The following ARIH2 variants were observed in gnomAD, a reference collection of about 807,000 sequenced individuals.
The protein encoded by ARIH2 is E3 ubiquitin-protein ligase ARIH2.
In ARIH2, 12 loss-of-function variants were observed where a neutral mutation model predicts 79.8. The ratio of observed to expected loss-of-function variants is 0.15; its 90% confidence interval spans 0.10 to 0.24. The LOEUF is 0.24. ARIH2 is among the 10% of genes least tolerant of loss of function. ARIH2 has a pLI of 1.00. For missense variants in ARIH2, 301 were observed against 618.3 expected, an observed-to-expected ratio of 0.49 and a Z score of 5.44; for synonymous variants, 224 against 213.9, an observed-to-expected ratio of 1.05 and a Z score of -0.41.
intron 3 of ARIH2, among the ~76,000 whole-genome samples, chr3:48,931,725 C>CA (rs1308813150): frequency 6.6e-6 from 1 of 151,518 alleles, no homozygotes; most frequent in Non-Finnish European, 1.5e-5. Flanking sequence ...GTAGAAAAAT[C>CA]ACAATTTTCA....
intron 3 of ARIH2, among the ~76,000 whole-genome samples, chr3:48,937,387 C>G (rs1321623989): frequency 6.6e-6 from 1 of 152,082 alleles, no homozygotes; most frequent in Non-Finnish European, 1.5e-5. Flanking sequence ...AGAGGATTGA[C>G]CCTCTACCCC....
At chr3:48,976,109 A>C (rs1226621498) in intron 11 of ARIH2, among the ~76,000 whole-genome samples, 1 of 145,950 alleles carries the variant, frequency 6.9e-6, no homozygotes, top group South Asian at 2.2e-4. Flanking sequence ...ACGGGGTCTA[A>C]CCATGTTAGC....
intron 8 of ARIH2, 117 bp from the exon 9 acceptor site, chr3:48,973,582 A>G: frequency 1.4e-6 from 1 of 727,106 alleles, no homozygotes; most frequent in East Asian, 2.7e-5. Flanking sequence ...TCTCAAAAAA[A>G]AAAAAAAAAA....
intron 8 of ARIH2, among the ~76,000 whole-genome samples, chr3:48,972,740 GTC>G (rs978809487): frequency 2.0e-5 from 3 of 152,002 alleles, no homozygotes; most frequent in African/African-American, 7.3e-5. Flanking sequence ...AAAAAACAGG[GTC>G]TCTCTCAGTT....
chr3:48,957,589 T>C (rs2090743491), intron 3 of ARIH2, among the ~76,000 whole-genome samples: 1 of 152,124 alleles, frequency 6.6e-6, no homozygotes, highest in Non-Finnish European at 1.5e-5. Flanking sequence ...TAATGAGACA[T>C]GTAGAAGTCA....
At chr3:48,957,262 G>A (rs1170258300) in intron 3 of ARIH2, among the ~76,000 whole-genome samples, 1 of 152,200 alleles carries the variant, frequency 6.6e-6, no homozygotes, top group Non-Finnish European at 1.5e-5. Flanking sequence ...TAATTCTGAG[G>A]CTTCACTGTG....
At chr3:48,934,121 A>G (rs1336549188) in intron 3 of ARIH2, among the ~76,000 whole-genome samples, 1 of 152,158 alleles carries the variant, frequency 6.6e-6, no homozygotes, top group African/African-American at 2.4e-5. Context: ...ATGAATAGTA[A>G]TGAGTTGTCA....
chr3:48,948,183 G>A (rs1243747446), intron 3 of ARIH2, among the ~76,000 whole-genome samples: 3 of 151,904 alleles, frequency 2.0e-5, no homozygotes, highest in African/African-American at 7.3e-5. Flanking sequence ...GGATGGTCTC[G>A]ATCTCCTGAC....
chr3:48,952,217 T>C (rs1176354617), intron 3 of ARIH2, among the ~76,000 whole-genome samples: 3 of 152,218 alleles, frequency 2.0e-5, no homozygotes, highest in African/African-American at 7.2e-5. Context: ...GTATGTTCTT[T>C]AATTTCTAAA....
rs938804482 is a variant in ARIH2, at chr3:48,926,242, C to T, written c.-97-1220C>T. 1.4e-5 allele frequency among the ~76,000 whole-genome samples: 2 copies of T among 148,062 alleles called. 1 individual carries two copies. The highest frequency in any genetic ancestry group is 4.3e-4 in the South Asian group (2 of 4,700). On this transcript the variant is annotated intron_variant, in intron 2 of 15. Transcript: ENST00000356401. ...TTCTTTTTTGAGATGGAGTTTCCCT[C>T]GTGTGTGTGTGTGTGTGTGTGTGTA...
chr3:48,942,155 A>G (rs754902735), intron 3 of ARIH2, among the ~76,000 whole-genome samples: 5 of 151,738 alleles, frequency 3.3e-5, no homozygotes, highest in East Asian at 1.9e-4. Flanking sequence ...AGTTCAAGCA[A>G]TTCTCCTGCT....
intron 3 of ARIH2, among the ~76,000 whole-genome samples, chr3:48,929,658 C>G (rs1196985254): frequency 6.6e-6 from 1 of 152,226 alleles, no homozygotes; most frequent in Non-Finnish European, 1.5e-5. Context: ...TTGGCATGAT[C>G]TCTCCAACTA....
chr3:48,964,792 G>A, intron 4 of ARIH2, 127 bp from the exon 5 acceptor site: 2 of 656,094 alleles, frequency 3.0e-6, no homozygotes, highest in Non-Finnish European at 5.1e-6. Flanking sequence ...TGAGATAAAA[G>A]GAAGCTTAGT....
At chr3:48,973,382 C>T (rs2092344397) in intron 8 of ARIH2, among the ~76,000 whole-genome samples, 1 of 152,092 alleles carries the variant, frequency 6.6e-6, no homozygotes, top group Non-Finnish European at 1.5e-5. Context: ...TCGAGACCAT[C>T]CTGGCTAACA....
intron 3 of ARIH2, among the ~76,000 whole-genome samples, chr3:48,938,415 C>T (rs2087488090): frequency 6.6e-6 from 1 of 151,546 alleles, no homozygotes; most frequent in African/African-American, 2.4e-5. Context: ...TACTTCTCAG[C>T]AGTATGAAAG....
intron 1 of ARIH2, chr3:48,922,522 A>G (rs1032563276): frequency 6.6e-6 from 1 of 152,054 alleles, no homozygotes; most frequent in African/African-American, 2.4e-5. Flanking sequence ...CGTGAGCCAC[A>G]ACACCCAGCT....
intron 3 of ARIH2, among the ~76,000 whole-genome samples, chr3:48,955,087 A>G (rs1443452149): frequency 6.6e-6 from 1 of 152,208 alleles, no homozygotes; most frequent in Non-Finnish European, 1.5e-5. Flanking sequence ...AATCCCAGCT[A>G]CTTGGGAGGC....
chr3:48,935,675 C>T (rs1256771498), intron 3 of ARIH2, among the ~76,000 whole-genome samples: 1 of 152,182 alleles, frequency 6.6e-6, no homozygotes, highest in African/African-American at 2.4e-5. Context: ...ACACCTCCTT[C>T]ACAACATTAA....
intron 3 of ARIH2, among the ~76,000 whole-genome samples, chr3:48,933,580 C>T (rs1034856670): frequency 1.4e-5 from 2 of 141,042 alleles, no homozygotes; most frequent in South Asian, 2.3e-4. Flanking sequence ...GACGGACTCT[C>T]GCTGTGTCAC....
Sources: gnomAD v4.1 joint callset for allele counts (sites outside exome capture counted in the v4.1 genomes callset) on GRCh38, gnomAD v4.1.1 for gene constraint, MANE v1.5 for transcripts, NCBI Gene and HGNC (gene_info 2026-07-23, HGNC 2026-07-21) for gene names.